The following SMIM21 variants were observed in gnomAD, a reference collection of about 807,000 sequenced individuals.
SMIM21 encodes chromosome 18 open reading frame 62.
Under a neutral mutation model 8.6 loss-of-function variants are expected in SMIM21, and 8 were observed. That is an observed-to-expected ratio of 0.93 (90% CI 0.55 to 1.68). The LOEUF is 1.68. Among genes scored for constraint, SMIM21 ranks in the 40% most tolerant of loss-of-function variants. The probability of loss-of-function intolerance (pLI) is 0.00; values close to 1 mark genes in which losing one functional copy is unlikely to be tolerated. For synonymous variants in SMIM21, 43 were observed against 41.7 expected, an observed-to-expected ratio of 1.03 and a Z score of -0.12; for missense variants, 132 against 123.0, an observed-to-expected ratio of 1.07 and a Z score of -0.35.
At chr18:75,413,727 T>C (rs1406191103) in intron 2 of SMIM21, among the ~76,000 whole-genome samples, 2 of 152,128 alleles carry the variant, frequency 1.3e-5, no homozygotes, top group African/African-American at 4.8e-5. Flanking sequence ...ATATGACTGG[T>C]CCCTCTTGTC....
At chr18:75,418,558 A>G (rs1211886276) in intron 2 of SMIM21, among the ~76,000 whole-genome samples, 3 of 152,190 alleles carry the variant, frequency 2.0e-5, no homozygotes, top group Non-Finnish European at 4.4e-5. Flanking sequence ...CACTCTGTCT[A>G]TCTATGTGGC....
At chr18:75,420,180 T>C (rs2024694137) in intron 1 of SMIM21, among the ~76,000 whole-genome samples, 1 of 152,206 alleles carries the variant, frequency 6.6e-6, no homozygotes, top group Admixed American at 6.5e-5. Flanking sequence ...AGCAGGTACT[T>C]AGCCACCCTT....
intron 2 of SMIM21, chr18:75,418,121 A>T (rs1250420433): frequency 2.5e-6 from 1 of 397,956 alleles, no homozygotes. Flanking sequence ...TTTTATTTTT[A>T]TTTTTCCGAG....
chr18:75,417,556 T>C (rs896604029), intron 2 of SMIM21: 2 of 152,208 alleles, frequency 1.3e-5, no homozygotes, highest in Non-Finnish European at 2.9e-5. Context: ...AGTAAGCCTG[T>C]GACTGTACAG....
rs2024717104 is a variant in SMIM21, at chr18:75,422,229, G to A, written c.130-3313C>T. On this transcript the variant is annotated intron_variant, in intron 1 of 2. Transcript: ENST00000579022. Reference sequence around the variant, plus strand: ...ATTCCTGAGACAGGGGCGCACCATGGAGAGGGATATGGGGAAGCAGGGATA... The same window carrying A: ...ATTCCTGAGACAGGGGCGCACCATGAAGAGGGATATGGGGAAGCAGGGATA... Among the ~76,000 whole-genome samples, 4 of 152,272 alleles carry A rather than the reference G, an allele frequency of 2.6e-5. No individual in the cohort carries two copies. The South Asian group carries it at 8.3e-4, about 32-fold the overall frequency.
chr18:75,418,973 T>C, intron 1 of SMIM21, 57 bp from the exon 2 acceptor site: 1 of 1,132,952 alleles, frequency 8.8e-7, no homozygotes, highest in Non-Finnish European at 1.3e-6. Flanking sequence ...TCAAGCTTCA[T>C]GCTACAAGCA....
intron 1 of SMIM21, among the ~76,000 whole-genome samples, chr18:75,425,324 A>G (rs578177756): frequency 6.6e-6 from 1 of 152,208 alleles, no homozygotes; most frequent in African/African-American, 2.4e-5. Flanking sequence ...CTAAGAAGAA[A>G]TTAAATGTGA....
At chr18:75,426,728 G>T (rs567697383) in intron 1 of SMIM21, among the ~76,000 whole-genome samples, 2 of 149,844 alleles carry the variant, frequency 1.3e-5, no homozygotes, top group Admixed American at 6.7e-5. Context: ...AGAGGAAGGA[G>T]ATGCTACCTG....
chr18:75,415,366 G>T (rs1401534375), intron 2 of SMIM21, among the ~76,000 whole-genome samples: 1 of 152,212 alleles, frequency 6.6e-6, no homozygotes, highest in African/African-American at 2.4e-5. Flanking sequence ...GAGCAGGAGT[G>T]GGGCTGAAGG....
At chr18:75,420,476 G>T (rs1446527967) in intron 1 of SMIM21, among the ~76,000 whole-genome samples, 1 of 152,240 alleles carries the variant, frequency 6.6e-6, no homozygotes, top group East Asian at 1.9e-4. Context: ...GAGCTACTCT[G>T]TGCATCATTT....
At position 75,411,017 on chromosome 18, in the gene SMIM21, A is replaced by G. The variant is rs76331965; in HGVS notation, c.261-108T>C. On this transcript the variant is annotated intron_variant, in intron 2 of 2. Transcript: ENST00000579022. ...TTTTATCTAATGAACACATTTTAAAATTTAATTTTTCCCCCCAAGATTTTG... is the reference window on the plus strand; with the variant it reads ...TTTTATCTAATGAACACATTTTAAAGTTTAATTTTTCCCCCCAAGATTTTG... 757 of 1,462,616 alleles carry G rather than the reference A, an allele frequency of 5.2e-4. 4 individuals are homozygous for G. The African/African-American group carries it at 9.6e-3, about 19-fold the overall frequency. The allele number at this position is 1,462,616 out of a possible 1,614,324, so 90.6% of individuals were successfully genotyped here.
chr18:75,420,636 G>A (rs2024698599), intron 1 of SMIM21, among the ~76,000 whole-genome samples: 2 of 152,196 alleles, frequency 1.3e-5, no homozygotes. Context: ...CTGGGCTGAG[G>A]AGTAAGTGAT....
intron 1 of SMIM21, among the ~76,000 whole-genome samples, chr18:75,419,337 T>C (rs2144554500): frequency 6.6e-6 from 1 of 152,318 alleles, no homozygotes. Context: ...TCCAGTGTGA[T>C]TTGAGCATAT....
chr18:75,417,133 T>C (rs1341150216), intron 2 of SMIM21: 2 of 152,226 alleles, frequency 1.3e-5, no homozygotes, highest in South Asian at 2.1e-4. Flanking sequence ...TGCATTTGCA[T>C]GCGGACAGCA....
At position 75,410,337 on chromosome 18, in the gene SMIM21, C is replaced by T. The variant is rs2024569966; in HGVS notation, c.*527G>A. The T allele has an allele frequency of 6.5e-6, 1 of 153,488 alleles. No homozygotes were observed. The highest frequency in any genetic ancestry group is 2.1e-4 in the South Asian group (1 of 4,864). The allele number at this position is 153,488 out of a possible 1,614,324, so 9.5% of individuals were successfully genotyped here. ...ATGAGGACTGTCGGTTTTTTCATCT[C>T]CTCTAATATGTTACCCAAACCATCA... On this transcript the variant is annotated 3_prime_UTR_variant, in exon 3 of 3. Coordinates refer to ENST00000579022, the MANE Select transcript of SMIM21 (RefSeq NM_001037331.3).
At chr18:75,415,137 C>T (rs911943407) in intron 2 of SMIM21, among the ~76,000 whole-genome samples, 3 of 152,114 alleles carry the variant, frequency 2.0e-5, no homozygotes, top group African/African-American at 7.2e-5. Flanking sequence ...ACACCTCATA[C>T]AGAGCTAACA....
At chr18:75,414,102 C>T (rs1184939901) in intron 2 of SMIM21, among the ~76,000 whole-genome samples, 63 of 137,938 alleles carry the variant, frequency 4.6e-4, no homozygotes, top group Non-Finnish European at 9.7e-4. Flanking sequence ...CACACATACA[C>T]ACACACACAC....
chr18:75,427,251 T>A (rs1406855999), intron 1 of SMIM21, among the ~76,000 whole-genome samples, 184 bp downstream of exon 1: 1 of 151,968 alleles, frequency 6.6e-6, no homozygotes, highest in Non-Finnish European at 1.5e-5. Context: ...AATTGGGAGG[T>A]TGTCTTGGCC....
chr18:75,419,200 C>G (rs577494188), intron 1 of SMIM21, among the ~76,000 whole-genome samples: 1 of 152,284 alleles, frequency 6.6e-6, no homozygotes, highest in Non-Finnish European at 1.5e-5. Context: ...TTCTATGAAA[C>G]CGAGTTCCCT....
Sources: allele counts gnomAD v4.1 joint callset (sites outside exome capture counted in the v4.1 genomes callset), GRCh38; gene constraint gnomAD v4.1.1; transcripts MANE v1.5; gene names NCBI Gene and HGNC (gene_info 2026-07-23, HGNC 2026-07-21).